The following TMEM45B variants were observed in gnomAD, a reference collection of about 807,000 sequenced individuals.
TMEM45B encodes the protein transmembrane protein 45B.
TMEM45B carries 29 observed loss-of-function variants against 27.3 expected under a neutral mutation model. The observed-to-expected ratio is 1.06, with a 90% CI of 0.79 to 1.45. The LOEUF is 1.45. TMEM45B is among the 40% of genes most tolerant of loss of function. The pLI, the probability that TMEM45B is intolerant of heterozygous loss-of-function variation, is 0.00. For missense variants in TMEM45B, 348 were observed against 343.9 expected (o/e 1.01, Z -0.09); for synonymous variants, 143 against 134.7 (o/e 1.06, Z -0.43).
At chr11:129,835,167 GA>G (rs35026627) in intron 1 of TMEM45B, among the ~76,000 whole-genome samples, 2 of 152,118 alleles carry the variant, frequency 1.3e-5, no homozygotes, top group South Asian at 2.1e-4. Context: ...GGAATTTTTA[GA>G]AAAAAAGGAA....
chr11:129,818,392 C>CCATT (rs1462054649), intron 1 of TMEM45B, among the ~76,000 whole-genome samples: 1 of 152,190 alleles, frequency 6.6e-6, no homozygotes, highest in African/African-American at 2.4e-5. Flanking sequence ...ATATCATAAG[C>CCATT]CATTATCTTG....
intron 1 of TMEM45B, among the ~76,000 whole-genome samples, chr11:129,850,092 C>T (rs1323494500): frequency 1.3e-5 from 2 of 151,974 alleles, no homozygotes; most frequent in Admixed American, 1.3e-4. Context: ...CAGATATTGA[C>T]CTTTAGCTTT....
At chr11:129,831,637 A>C (rs1189409808) in intron 1 of TMEM45B, among the ~76,000 whole-genome samples, 2 of 152,242 alleles carry the variant, frequency 1.3e-5, no homozygotes, top group Non-Finnish European at 2.9e-5. Context: ...TCCAAGAGAA[A>C]TAAAAACATC....
chr11:129,858,668 G>C lies in TMEM45B; in HGVS notation c.811G>C (p.Gly271Arg), dbSNP rs1415954266. ...CACTTACCAGACCGCCCTCTTGAGT[G>C]GCTCAGATGAGGAATGAGCCGAGAT... ...DDTYQTALLS[G>R]SDEE Residue 271 changes from glycine (G) to arginine (R), a missense_variant, in exon 6 of 6, where the codon GGC becomes CGC. Transcript: ENST00000281441. The C allele has an allele frequency of 6.4e-7, 1 of 1,563,238 alleles. No homozygotes were observed. The highest frequency in any genetic ancestry group is 1.3e-5 in the African/African-American group (1 of 74,202).
At chr11:129,831,449 T>C (rs952069175) in intron 1 of TMEM45B, among the ~76,000 whole-genome samples, 3 of 152,214 alleles carry the variant, frequency 2.0e-5, no homozygotes, top group African/African-American at 4.8e-5. Flanking sequence ...AAGCGATGAT[T>C]CATATCCAGG....
At chr11:129,836,190 C>A (rs189670335) in intron 1 of TMEM45B, among the ~76,000 whole-genome samples, 368 of 152,186 alleles carry the variant, frequency 2.4e-3, no homozygotes, top group African/African-American at 8.3e-3. Flanking sequence ...TGACCACTTT[C>A]TTCTTTCCAA....
chr11:129,838,592 A>G (rs887826562), intron 1 of TMEM45B, among the ~76,000 whole-genome samples: 1 of 152,268 alleles, frequency 6.6e-6, no homozygotes. Flanking sequence ...ACGGTTATAT[A>G]ATATCTCATA....
intron 2 of TMEM45B, 151 bp downstream of exon 2, chr11:129,852,811 A>T: frequency 1.3e-6 from 1 of 763,626 alleles, no homozygotes; most frequent in South Asian, 2.1e-5. Context: ...TTATCGTAAC[A>T]TCCATTGTGT....
At position 129,854,677 on chromosome 11, in the gene TMEM45B, A is replaced by G. The variant is rs1288100910; in HGVS notation, c.246A>G (p.Ile82Met). The G allele has an allele frequency of 2.5e-6, 4 of 1,614,130 alleles. No homozygotes were observed. The Admixed American group carries it at 6.7e-5, about 27-fold the overall frequency. Residue 82 changes from isoleucine (I) to methionine (M), a missense_variant, in exon 3 of 6, where the codon ATA becomes ATG. Physicochemically the swap from Ile to Met is conservative, Grantham distance 10 (BLOSUM62 1). Coordinates refer to ENST00000281441, the MANE Select transcript of TMEM45B (RefSeq NM_138788.5). ...ACCTCTACCATGAGAACCACTGGAT[A>G]AAGTTAATGAATTGGCAGCACAGCA... is the stretch of plus-strand genomic sequence containing the variant. ...HLHLYHENHW[I>M]KLMNWQHSTM... is the part of the protein sequence containing the mutation.
intron 1 of TMEM45B, among the ~76,000 whole-genome samples, chr11:129,842,125 G>A (rs948867879): frequency 1.3e-5 from 2 of 152,066 alleles, no homozygotes; most frequent in Non-Finnish European, 2.9e-5. Flanking sequence ...GATCCAATTC[G>A]AAAAACAGAA....
intron 1 of TMEM45B, among the ~76,000 whole-genome samples, chr11:129,847,958 G>GTGAT (rs1947787415): frequency 6.6e-6 from 1 of 152,072 alleles, no homozygotes; most frequent in African/African-American, 2.4e-5. Context: ...TTCCCAGTAG[G>GTGAT]GGCGGCCGGG....
intron 1 of TMEM45B, among the ~76,000 whole-genome samples, chr11:129,847,983 A>G (rs1219593011): frequency 1.3e-5 from 2 of 152,032 alleles, no homozygotes; most frequent in Admixed American, 6.6e-5. Context: ...GACGCTCCTC[A>G]CTTCCTAGAT....
rs1947940929 is a variant in TMEM45B, at chr11:129,857,185, T to C, written c.571-128T>C. 3.5e-6 allele frequency: 4 copies of C among 1,134,564 alleles called. No homozygotes were observed. The Admixed American group carries it at 6.4e-5, about 18-fold the overall frequency. The allele number at this position is 1,134,564 out of a possible 1,614,324, so 70.3% of individuals were successfully genotyped here. On this transcript the variant is annotated intron_variant, in intron 4 of 5. Coordinates refer to ENST00000281441, the MANE Select transcript of TMEM45B (RefSeq NM_138788.5). ...TTTTCTATGTGAAAAGGCCTTTCTATGCTAACGAAGTGTGGGAACTATGAG... is the reference window on the plus strand; with the variant it reads ...TTTTCTATGTGAAAAGGCCTTTCTACGCTAACGAAGTGTGGGAACTATGAG...
At chr11:129,849,738 T>C (rs533790570) in intron 1 of TMEM45B, among the ~76,000 whole-genome samples, 1 of 152,298 alleles carries the variant, frequency 6.6e-6, no homozygotes, top group East Asian at 1.9e-4. Context: ...AGGAATGCTC[T>C]GCTGGAAATG....
chr11:129,841,728 C>T lies in TMEM45B; in HGVS notation c.-8-10747C>T, dbSNP rs912665093. ...TCTCCTGCCTCAGCCTCCCAAGTTG[C>T]TGAGATTACAGGCACCCACTACCAC... On this transcript the variant is annotated intron_variant, in intron 1 of 5. Transcript: ENST00000281441. 2.6e-5 allele frequency among the ~76,000 whole-genome samples: 4 copies of T among 151,500 alleles called. No homozygotes were observed. The Admixed American group carries it at 2.6e-4, about 10-fold the overall frequency.
rs10537485 is a variant in TMEM45B at position 129,845,271 on chromosome 11, ATGTG to A, written c.-8-7180_-8-7177del. Among the ~76,000 whole-genome samples, 751 of 140,068 alleles carry A rather than the reference ATGTG, an allele frequency of 5.4e-3. 8 individuals carry two copies. Among genetic ancestry groups the A allele is most frequent in the African/African-American group, 0.014 (518 of 35,828 alleles). 91.9% of individuals were successfully genotyped at this position (140,068 alleles called of 152,430 possible). ...TTAATGGCTTATTTTGTGTGTGTGT[ATGTG>A]TGTGTGTGTGTGTGTGTGTGTGTAT... On this transcript the variant is annotated intron_variant, in intron 1 of 5. Coordinates refer to ENST00000281441, the MANE Select transcript of TMEM45B (RefSeq NM_138788.5).
intron 1 of TMEM45B, among the ~76,000 whole-genome samples, chr11:129,820,982 T>C (rs1241628994): frequency 2.0e-5 from 3 of 152,050 alleles, no homozygotes; most frequent in African/African-American, 7.2e-5. Context: ...AGGATGAGGG[T>C]TTCGCTCCTT....
chr11:129,836,341 G>A (rs1349375570), intron 1 of TMEM45B, among the ~76,000 whole-genome samples: 2 of 152,088 alleles, frequency 1.3e-5, no homozygotes, highest in Non-Finnish European at 2.9e-5. Flanking sequence ...CCCATACCTG[G>A]TTTAGACGAT....
At chr11:129,831,057 A>G (rs570546316) in intron 1 of TMEM45B, among the ~76,000 whole-genome samples, 1 of 152,318 alleles carries the variant, frequency 6.6e-6, no homozygotes, top group African/African-American at 2.4e-5. Flanking sequence ...TCCTAGATGT[A>G]TATACCTATG....
Sources: allele counts gnomAD v4.1 joint callset (sites outside exome capture counted in the v4.1 genomes callset), GRCh38; gene constraint gnomAD v4.1.1; transcripts MANE v1.5; gene names NCBI Gene and HGNC (gene_info 2026-07-23, HGNC 2026-07-21).